Variants in NFILZ observed in about 807,000 individuals in gnomAD.
NFILZ encodes the protein NFIL3 like basic leucine zipper, also known as NFIL3 like protein.
chr19:8,666,188 T>C (rs1555749763), intron 3 of NFILZ, among the ~76,000 whole-genome samples: 3 of 152,092 alleles, frequency 2.0e-5, no homozygotes, highest in Admixed American at 1.3e-4. Flanking sequence ...CAAGTCTTCA[T>C]AGGAGACTAT....
rs1555750859 is a variant in NFILZ at position 8,677,952 on chromosome 19, A to G, written c.*317A>G. On this transcript the variant is annotated 3_prime_UTR_variant, in exon 6 of 6. Coordinates refer to ENST00000691075, the MANE Select transcript of NFILZ (RefSeq NM_001378600.1). Reference sequence around the variant, plus strand: ...CCTATAGCCATCCATTCATCCATTCATCCTCATTTATTCATCCATTCATTC... The same window carrying G: ...CCTATAGCCATCCATTCATCCATTCGTCCTCATTTATTCATCCATTCATTC... Among the ~76,000 whole-genome samples the G allele has an allele frequency of 7.9e-5, 12 of 151,340 alleles. No homozygotes were observed. The highest frequency in any genetic ancestry group is 2.7e-4 in the African/African-American group (11 of 41,090).
chr19:8,668,708 G>A (rs376476277), intron 3 of NFILZ, among the ~76,000 whole-genome samples: 16 of 152,254 alleles, frequency 1.1e-4, no homozygotes, highest in African/African-American at 3.9e-4. Flanking sequence ...ATGCGTGGGA[G>A]ACTTTTATCC....
intron 3 of NFILZ, among the ~76,000 whole-genome samples, chr19:8,669,013 C>T (rs924656438): frequency 1.3e-5 from 2 of 152,104 alleles, no homozygotes; most frequent in South Asian, 2.1e-4. Context: ...GGTGCAATCT[C>T]GGCTCACTGC....
chr19:8,678,039 T>TCCATCCATCCATCCAC lies in NFILZ; in HGVS notation c.*410_*425dup, dbSNP rs2043120499. Among the ~76,000 whole-genome samples, 4 of 80,116 alleles carry TCCATCCATCCATCCAC rather than the reference T, an allele frequency of 5.0e-5. No homozygotes were observed. In the Admixed American group the frequency reaches 5.3e-4, roughly 11 times the overall value. 52.6% of individuals were successfully genotyped at this position (80,116 alleles called of 152,430 possible). ...CCATCCTTATCCATCTATCCATCCA[T>TCCATCCATCCATCCAC]CCATCCATCCATCCACCCATCTATT... On this transcript the variant is annotated 3_prime_UTR_variant, in exon 6 of 6. Coordinates refer to ENST00000691075, the MANE Select transcript of NFILZ (RefSeq NM_001378600.1).
chr19:8,662,640 CTT>C (rs57110522), intron 3 of NFILZ, among the ~76,000 whole-genome samples: 28 of 139,480 alleles, frequency 2.0e-4, no homozygotes, highest in Admixed American at 2.2e-4. Context: ...CCTTTTCTTC[CTT>C]TTTTTTTTTT....
At chr19:8,667,260 G>A (rs950118774) in intron 3 of NFILZ, among the ~76,000 whole-genome samples, 16 of 152,140 alleles carry the variant, frequency 1.1e-4, no homozygotes, top group Non-Finnish European at 7.3e-5. Context: ...GTTAGACCTC[G>A]GTTTTGGGCT....
chr19:8,661,848 G>A (rs1362471020), intron 3 of NFILZ, among the ~76,000 whole-genome samples: 1 of 152,124 alleles, frequency 6.6e-6, no homozygotes, highest in African/African-American at 2.4e-5. Flanking sequence ...TCGCGCCACT[G>A]TAATCCAGCC....
At chr19:8,633,670 C>T (rs2042880626) in intron 2 of NFILZ, among the ~76,000 whole-genome samples, 1 of 152,126 alleles carries the variant, frequency 6.6e-6, no homozygotes, top group Non-Finnish European at 1.5e-5. Context: ...TCCTGCCTCC[C>T]TTCCTGCCCC....
At chr19:8,656,906 T>C (rs377275855) in intron 3 of NFILZ, among the ~76,000 whole-genome samples, 6 of 152,078 alleles carry the variant, frequency 3.9e-5, no homozygotes, top group African/African-American at 1.4e-4. Context: ...GGAGTCCAGC[T>C]TGGCTCTGTA....
chr19:8,641,807 C>T (rs73503656), intron 3 of NFILZ, among the ~76,000 whole-genome samples: 119 of 151,228 alleles, frequency 7.9e-4, no homozygotes, highest in African/African-American at 2.8e-3. Flanking sequence ...GCATTTAGAA[C>T]CAATGCCTTA....
At chr19:8,649,780 C>T (rs2042957020) in intron 3 of NFILZ, among the ~76,000 whole-genome samples, 1 of 151,884 alleles carries the variant, frequency 6.6e-6, no homozygotes, top group African/African-American at 2.4e-5. Flanking sequence ...TCACATATGC[C>T]CAGAATTCTA....
At chr19:8,656,505 A>ACCTTCTCTCTGAAGCTCC (rs2043003940) in intron 3 of NFILZ, among the ~76,000 whole-genome samples, 1 of 35,420 alleles carries the variant, frequency 2.8e-5, no homozygotes, top group Non-Finnish European at 8.7e-5. Flanking sequence ...CCCGCAGCCC[A>ACCTTCTCTCTGAAGCTCC]CCTTCTCCTG....
At chr19:8,637,753 A>G (rs2042901096) in intron 3 of NFILZ, among the ~76,000 whole-genome samples, 1 of 151,240 alleles carries the variant, frequency 6.6e-6, no homozygotes, top group African/African-American at 2.4e-5. Flanking sequence ...CTAAAATACA[A>G]AAAATTAGCC....
intron 3 of NFILZ, among the ~76,000 whole-genome samples, chr19:8,652,998 TCCTTC>T (rs2042973391): frequency 2.7e-4 from 7 of 25,976 alleles, no homozygotes; most frequent in African/African-American, 1.1e-3. Context: ...CTTCCTTCCT[TCCTTC>T]CTTCCTTCCT....
intron 3 of NFILZ, among the ~76,000 whole-genome samples, chr19:8,669,353 A>G (rs887042779): frequency 6.6e-6 from 1 of 152,180 alleles, no homozygotes; most frequent in South Asian, 2.1e-4. Flanking sequence ...TATACAACCA[A>G]TGAGGTAGGT....
intron 3 of NFILZ, among the ~76,000 whole-genome samples, chr19:8,674,276 C>G (rs2043101385): frequency 6.6e-6 from 1 of 152,200 alleles, no homozygotes; most frequent in South Asian, 2.1e-4. Flanking sequence ...CTGCTGCTGA[C>G]TTACTGTGTG....
intron 2 of NFILZ, among the ~76,000 whole-genome samples, chr19:8,633,877 CCCTT>C (rs782201553): frequency 0.25 from 20,765 of 84,302 alleles, 2,701 homozygotes; most frequent in Middle Eastern, 0.27. Flanking sequence ...TAACTTTTCT[CCCTT>C]CCTTCCTTCC....
intron 3 of NFILZ, among the ~76,000 whole-genome samples, chr19:8,655,192 C>T (rs546161958): frequency 3.3e-5 from 5 of 152,322 alleles, no homozygotes; most frequent in African/African-American, 1.2e-4. Flanking sequence ...ATCTGAAAGG[C>T]AATGGGGAGC....
At chr19:8,639,365 C>T (rs910479603) in intron 3 of NFILZ, among the ~76,000 whole-genome samples, 1 of 152,046 alleles carries the variant, frequency 6.6e-6, no homozygotes, top group Non-Finnish European at 1.5e-5. Flanking sequence ...TCATTTGAGC[C>T]TGGAAGTTTG....
Sources: gnomAD v4.1 joint callset for allele counts (sites outside exome capture counted in the v4.1 genomes callset) on GRCh38, gnomAD v4.1.1 for gene constraint, MANE v1.5 for transcripts, NCBI Gene and HGNC (gene_info 2026-07-23, HGNC 2026-07-21) for gene names.